NTSR1: variants seen among roughly 807,000 people sequenced by gnomAD.
NTSR1 encodes the protein neurotensin receptor type 1.
Under a neutral mutation model 31.2 loss-of-function variants are expected in NTSR1, and 29 were observed. The ratio of observed to expected loss-of-function variants is 0.93; its 90% CI spans 0.69 to 1.27. NTSR1 has a LOEUF of 1.27. Among genes scored for constraint, NTSR1 ranks in the 50% most tolerant of loss-of-function variants. The probability of loss-of-function intolerance (pLI) is 0.00; values close to 1 mark genes in which losing one functional copy is unlikely to be tolerated. For missense variants in NTSR1, 697 were observed against 595.4 expected, an observed-to-expected ratio of 1.17 and a Z score of -1.78; for synonymous variants, 282 against 269.9, an observed-to-expected ratio of 1.04 and a Z score of -0.44.
At chr20:62,710,964 C>T (rs1988599745) in intron 1 of NTSR1, among the ~76,000 whole-genome samples, 1 of 152,094 alleles carries the variant, frequency 6.6e-6, no homozygotes, top group Admixed American at 6.5e-5. Context: ...TGGCTGTCCC[C>T]CCAACTCCCC....
chr20:62,720,321 G>A (rs906811377), intron 1 of NTSR1, among the ~76,000 whole-genome samples: 9 of 152,298 alleles, frequency 5.9e-5, no homozygotes, highest in African/African-American at 1.9e-4. Context: ...TATTTTAAAA[G>A]ATAAAGGAAT....
At chr20:62,721,764 A>G (rs1489839246) in intron 1 of NTSR1, among the ~76,000 whole-genome samples, 1 of 152,194 alleles carries the variant, frequency 6.6e-6, no homozygotes, top group Non-Finnish European at 1.5e-5. Flanking sequence ...CACACTCTCT[A>G]GTTTCCAGGG....
rs200610535 is a variant in NTSR1 at position 62,758,374 on chromosome 20, G to A, written c.1007+18G>A. On this transcript the variant is annotated intron_variant, in intron 3 of 3. Coordinates refer to ENST00000370501, the MANE Select transcript of NTSR1 (RefSeq NM_002531.3). The surrounding 1 kb of genome is among the most constrained non-coding windows in gnomAD (Gnocchi z 4.5). ...TGGACTCCGTGAGTACCGGGAACCA[G>A]GAAGTTGGGTGCTGGACAAGTAAGT... is the stretch of plus-strand genomic sequence containing the variant. 9.4e-5 allele frequency: 151 copies of A among 1,609,998 alleles called. No individual in the cohort carries two copies. The African/African-American group carries it at 1.3e-3, about 14-fold the overall frequency.
At chr20:62,757,366 C>T (rs560447628) in intron 2 of NTSR1, among the ~76,000 whole-genome samples, 2 of 152,252 alleles carry the variant, frequency 1.3e-5, no homozygotes, top group Middle Eastern at 3.4e-3. Flanking sequence ...ATCACTTGAC[C>T]ATAAAGGTAA....
intron 1 of NTSR1, among the ~76,000 whole-genome samples, chr20:62,727,999 C>G (rs6011914): frequency 0.57 from 86,736 of 152,208 alleles, 25,376 homozygotes; most frequent in East Asian, 0.76. Context: ...AGGGCTGCCC[C>G]AGGCCCACGG....
chr20:62,709,344 T>C lies in NTSR1; in HGVS notation c.137T>C (p.Val46Ala). 1 of 1,609,734 alleles carries C rather than the reference T, an allele frequency of 6.2e-7. No individual in the cohort carries two copies. Among genetic ancestry groups the C allele is most frequent in the Non-Finnish European group, 8.5e-7 (1 of 1,178,396 alleles). ...GNASGNASER[V>A]LAAPSSELDV... Reference sequence around the variant, plus strand: ...GCTTCGGGCAACGCGTCGGAGCGCGTCCTGGCGGCACCCAGCAGCGAGCTG... The same window carrying C: ...GCTTCGGGCAACGCGTCGGAGCGCGCCCTGGCGGCACCCAGCAGCGAGCTG... The change falls in exon 1 of 4, where the codon GTC (valine) becomes GCC (alanine). Residue 46 changes from valine (V) to alanine (A), a missense_variant. By Grantham distance (64) the Val-to-Ala change is moderately conservative (BLOSUM62 0). Transcript: ENST00000370501.
At chr20:62,750,113 C>T (rs1989367891) in intron 1 of NTSR1, among the ~76,000 whole-genome samples, 2 of 152,210 alleles carry the variant, frequency 1.3e-5, no homozygotes, top group South Asian at 2.1e-4. Context: ...GAGTGCTGCT[C>T]CGTCTTGAAA....
chr20:62,709,630 C>T lies in NTSR1; in HGVS notation c.423C>T (p.Cys141=), dbSNP rs2147129457. 6.2e-7 allele frequency: 1 copy of T among 1,612,158 alleles called. No homozygotes were observed. Reference sequence around the variant, plus strand: ...CCTGGGCCTTCGGCGACGCCGGCTGCCGCGGCTACTACTTCCTGCGCGACG... The same window carrying T: ...CCTGGGCCTTCGGCGACGCCGGCTGTCGCGGCTACTACTTCCTGCGCGACG... The part of the protein sequence containing the change: ...HHPWAFGDAG[C]RGYYFLRDAC... Residue 141 remains cysteine, a synonymous_variant, in exon 1 of 4, where the codon TGC becomes TGT. Transcript: ENST00000370501.
chr20:62,755,321 C>A (rs1284881283), intron 2 of NTSR1, among the ~76,000 whole-genome samples: 23 of 95,256 alleles, frequency 2.4e-4, no homozygotes, highest in African/African-American at 9.1e-4. Context: ...CCCTCCCTTC[C>A]TTCCTCCCTC....
chr20:62,747,294 G>A (rs897757670), intron 1 of NTSR1, among the ~76,000 whole-genome samples: 6 of 151,294 alleles, frequency 4.0e-5, no homozygotes, highest in Middle Eastern at 3.2e-3. Context: ...TCAGTGTAAA[G>A]GCCACGTATG....
intron 1 of NTSR1, among the ~76,000 whole-genome samples, chr20:62,723,874 G>T (rs1600721983): frequency 6.6e-6 from 1 of 152,306 alleles, no homozygotes; most frequent in East Asian, 1.9e-4. Flanking sequence ...CTGGCTTCAG[G>T]TGAACACGCT....
Position 62,709,467 on chromosome 20 carries a change from C to T in NTSR1, c.260C>T (p.Thr87Met). The T allele has an allele frequency of 6.2e-7, 1 of 1,612,620 alleles. No individual in the cohort carries two copies. The highest frequency in any genetic ancestry group is 8.5e-7 in the Non-Finnish European group (1 of 1,179,824). Residue 87 changes from threonine to methionine, a missense_variant, in exon 1 of 4, where the codon ACG becomes ATG. Coordinates refer to ENST00000370501, the MANE Select transcript of NTSR1 (RefSeq NM_002531.3). ...GTVGNTVTAF[T>M]LARKKSLQSL... The stretch of plus-strand genomic sequence containing the variant: ...GTGGGCAACACGGTGACGGCGTTCA[C>T]GCTGGCGCGGAAGAAGTCGCTGCAG...
chr20:62,759,248 T>C (rs1471368473), intron 3 of NTSR1, among the ~76,000 whole-genome samples: 2 of 151,868 alleles, frequency 1.3e-5, no homozygotes, highest in African/African-American at 2.4e-5. Context: ...GGCTGACTGG[T>C]AGTAATTGAG....
rs375716216 is a variant in NTSR1, at chr20:62,739,823, G to A, written c.715-14862G>A. Among the ~76,000 whole-genome samples the A allele has an allele frequency of 1.6e-4, 24 of 152,382 alleles. No individual in the cohort carries two copies. In the South Asian group the frequency reaches 3.5e-3, roughly 22 times the overall value. ...AGAACCGTGGGGCTGGAGGTGCAGC[G>A]GCCGGCGACGGCCAGAACTGGAGAA... On this transcript the variant is annotated intron_variant, in intron 1 of 3. Transcript: ENST00000370501.
chr20:62,749,660 A>G (rs373396289), intron 1 of NTSR1, among the ~76,000 whole-genome samples: 33 of 152,330 alleles, frequency 2.2e-4, no homozygotes, highest in African/African-American at 6.7e-4. Flanking sequence ...TTTCCAAAGA[A>G]GAGCTACATA....
chr20:62,727,062 G>A (rs1436286478), intron 1 of NTSR1, among the ~76,000 whole-genome samples: 2 of 152,218 alleles, frequency 1.3e-5, no homozygotes, highest in Non-Finnish European at 2.9e-5. Flanking sequence ...TGCATCACCT[G>A]TTTTCATTGG....
At chr20:62,754,435 A>G (rs856937) in intron 1 of NTSR1, among the ~76,000 whole-genome samples, 127,439 of 152,154 alleles carry the variant, frequency 0.84, 53,643 homozygotes, top group East Asian at 0.92. Flanking sequence ...TCATGAAAGT[A>G]GGGGAGTCTG....
At position 62,743,730 on chromosome 20, in the gene NTSR1, G is replaced by A. The variant is rs1989244392; in HGVS notation, c.715-10955G>A. Among the ~76,000 whole-genome samples, 2 of 152,378 alleles carry A rather than the reference G, an allele frequency of 1.3e-5. No individual in the cohort carries two copies. Among genetic ancestry groups the A allele is most frequent in the Admixed American group, 1.3e-4 (2 of 15,312 alleles). ...GGAAGCAGTGTGCCAGTCTGGGGCT[G>A]TCTCTTGATCTAAACACAATGGGAT... On this transcript the variant is annotated intron_variant, in intron 1 of 3. Coordinates refer to ENST00000370501, the MANE Select transcript of NTSR1 (RefSeq NM_002531.3). This position sits in a 1 kb window ranked among gnomAD's most constrained non-coding sequence, Gnocchi z 7.5.
At chr20:62,726,102 G>A (rs1267118025) in intron 1 of NTSR1, among the ~76,000 whole-genome samples, 7 of 152,202 alleles carry the variant, frequency 4.6e-5, no homozygotes, top group African/African-American at 7.2e-5. Context: ...AGCCTCCACC[G>A]GGTCACCGGC....
Sources: gnomAD v4.1 joint callset for allele counts (sites outside exome capture counted in the v4.1 genomes callset) on GRCh38, gnomAD v4.1.1 for gene constraint, Gnocchi (gnomAD v3.1) non-coding constraint, MANE v1.5 for transcripts, NCBI Gene and HGNC (gene_info 2026-07-23, HGNC 2026-07-21) for gene names.